RASGEF1A: variants seen among roughly 807,000 people sequenced by gnomAD.
The protein encoded by RASGEF1A is ras-GEF domain-containing family member 1A.
A neutral mutation model predicts 56.4 loss-of-function variants in RASGEF1A; 18 were observed. That is an observed-to-expected ratio of 0.32 (90% CI 0.22 to 0.47). The LOEUF is 0.47. RASGEF1A is among the 20% of genes least tolerant of loss of function. The pLI is 1.00. For missense variants in RASGEF1A, 422 were observed against 627.1 expected (o/e 0.67, Z 3.49); for synonymous variants, 245 against 242.6 (o/e 1.01, Z -0.09).
chr10:43,241,876 G>A (rs937001727), intron 1 of RASGEF1A, among the ~76,000 whole-genome samples: 1 of 152,186 alleles, frequency 6.6e-6, no homozygotes, highest in Admixed American at 6.5e-5. Context: ...AGAGGCTCAC[G>A]CCTGTAATCC....
At chr10:43,216,197 G>A (rs117723250) in intron 1 of RASGEF1A, among the ~76,000 whole-genome samples, 1,557 of 152,248 alleles carry the variant, frequency 0.01, 12 homozygotes, top group Admixed American at 0.014. Context: ...GAGCGGGGGC[G>A]CTGGAGCCAC....
intron 1 of RASGEF1A, among the ~76,000 whole-genome samples, chr10:43,238,175 A>G (rs561116444): frequency 2.8e-5 from 1 of 35,332 alleles, no homozygotes; most frequent in East Asian, 4.6e-4. Context: ...GCCCCTCAGG[A>G]GGGTTAGCCA....
chr10:43,248,093 T>C (rs1840586705), intron 1 of RASGEF1A, among the ~76,000 whole-genome samples: 1 of 147,072 alleles, frequency 6.8e-6, no homozygotes, highest in Non-Finnish European at 1.5e-5. Context: ...TGGTAGCTCA[T>C]GCCTATAATC....
intron 1 of RASGEF1A, among the ~76,000 whole-genome samples, chr10:43,219,051 A>G (rs1429448679): frequency 3.3e-5 from 5 of 152,134 alleles, no homozygotes; most frequent in Non-Finnish European, 5.9e-5. Flanking sequence ...ACCAAGAACC[A>G]TTCCATTCTT....
intron 1 of RASGEF1A, among the ~76,000 whole-genome samples, chr10:43,238,307 G>GT (rs1394999799): frequency 1.3e-5 from 2 of 152,152 alleles, no homozygotes. Context: ...ATTGAGACCT[G>GT]TCTTCAGGAG....
At chr10:43,220,497 T>C (rs747277224) in intron 1 of RASGEF1A, among the ~76,000 whole-genome samples, 24 of 152,152 alleles carry the variant, frequency 1.6e-4, no homozygotes, top group Admixed American at 3.3e-4. Context: ...AGCAAGACCC[T>C]ATCTCACCGG....
At chr10:43,244,286 A>T (rs1840545715) in intron 1 of RASGEF1A, among the ~76,000 whole-genome samples, 1 of 139,400 alleles carries the variant, frequency 7.2e-6, no homozygotes, top group South Asian at 2.5e-4. Flanking sequence ...AAAACCAGAG[A>T]CCTTTGTTCT....
intron 4 of RASGEF1A, among the ~76,000 whole-genome samples, chr10:43,201,135 T>C (rs111381160): frequency 4.6e-5 from 7 of 152,298 alleles, no homozygotes; most frequent in Middle Eastern, 3.4e-3. Context: ...AGAGACAGGC[T>C]CAAGACTGAG....
At chr10:43,226,407 G>A (rs1032940835) in intron 1 of RASGEF1A, among the ~76,000 whole-genome samples, 4 of 152,144 alleles carry the variant, frequency 2.6e-5, no homozygotes, top group Non-Finnish European at 5.9e-5. Flanking sequence ...TTGCACTCCA[G>A]TCTGGGCAAC....
intron 5 of RASGEF1A, 111 bp from the exon 6 acceptor site, chr10:43,200,367 C>T: frequency 1.1e-6 from 1 of 907,326 alleles, no homozygotes; most frequent in South Asian, 1.5e-5. Context: ...ACAGGACCTT[C>T]ACCTCCTCCC....
At position 43,255,012 on chromosome 10, in the gene RASGEF1A, A is replaced by C. The variant is rs1038956719; in HGVS notation, c.-7+11833T>G. On this transcript the variant is annotated intron_variant, in intron 1 of 12. Coordinates refer to ENST00000395810, the MANE Select transcript of RASGEF1A (RefSeq NM_145313.4). ...CTTTCCTCCTGGGCAGAGGCTCCCCATTCCCAGGCATCTGGAGAGGAAACC... is the reference window on the plus strand; with the variant it reads ...CTTTCCTCCTGGGCAGAGGCTCCCCCTTCCCAGGCATCTGGAGAGGAAACC... 2.6e-5 allele frequency among the ~76,000 whole-genome samples: 4 copies of C among 152,028 alleles called. No individual in the cohort carries two copies. The East Asian group carries it at 7.8e-4, about 29-fold the overall frequency.
At chr10:43,257,636 G>T (rs117434949) in intron 1 of RASGEF1A, among the ~76,000 whole-genome samples, 2 of 152,332 alleles carry the variant, frequency 1.3e-5, no homozygotes, top group East Asian at 1.9e-4. Context: ...TGCACACAGC[G>T]ATGGGCAACA....
chr10:43,216,328 C>T (rs991721881), intron 1 of RASGEF1A, among the ~76,000 whole-genome samples: 8 of 152,166 alleles, frequency 5.3e-5, no homozygotes, highest in Admixed American at 6.5e-5. Context: ...ACCAGGACAT[C>T]GGGAATGAGG....
intron 1 of RASGEF1A, among the ~76,000 whole-genome samples, chr10:43,263,870 C>T (rs547664818): frequency 1.7e-4 from 26 of 152,272 alleles, no homozygotes; most frequent in Admixed American, 1.5e-3. Context: ...CATGGTCCAC[C>T]GGGCAGGGGT....
At chr10:43,219,087 G>A (rs994877830) in intron 1 of RASGEF1A, among the ~76,000 whole-genome samples, 1 of 152,142 alleles carries the variant, frequency 6.6e-6, no homozygotes, top group Admixed American at 6.5e-5. Context: ...CAAGGATGCA[G>A]CAGGTGGGAC....
intron 1 of RASGEF1A, among the ~76,000 whole-genome samples, chr10:43,239,394 AG>A: frequency 6.6e-6 from 1 of 152,212 alleles, no homozygotes; most frequent in East Asian, 1.9e-4. Context: ...AAAATGGTGG[AG>A]TAAGGACCTC....
chr10:43,243,554 CCGCCCCG>C (rs1840532432), intron 1 of RASGEF1A, among the ~76,000 whole-genome samples: 4 of 148,336 alleles, frequency 2.7e-5, no homozygotes, highest in Non-Finnish European at 4.5e-5. Flanking sequence ...CTCTGCCCGG[CCGCCCCG>C]TCTGGGAGGT....
At chr10:43,240,520 A>G (rs1159117451) in intron 1 of RASGEF1A, among the ~76,000 whole-genome samples, 2 of 152,234 alleles carry the variant, frequency 1.3e-5, no homozygotes, top group African/African-American at 4.8e-5. Context: ...CAATAAAGGA[A>G]TACAAATTAT....
chr10:43,216,430 G>A (rs1007899249), intron 1 of RASGEF1A, among the ~76,000 whole-genome samples: 18 of 152,354 alleles, frequency 1.2e-4, no homozygotes, highest in African/African-American at 2.4e-4. Context: ...CTTACCCTGC[G>A]GGGAGGGCTC....
Sources: allele counts gnomAD v4.1 joint callset (sites outside exome capture counted in the v4.1 genomes callset), GRCh38; gene constraint gnomAD v4.1.1; transcripts MANE v1.5; gene names NCBI Gene and HGNC (gene_info 2026-07-23, HGNC 2026-07-21).